ATP9B: variants seen among roughly 807,000 people sequenced by gnomAD.
The protein encoded by ATP9B is probable phospholipid-transporting ATPase IIB.
In ATP9B, 110 loss-of-function variants were observed where a neutral mutation model predicts 146.1. That is an observed-to-expected ratio of 0.75 (90% CI 0.65 to 0.88). The LOEUF is 0.88. ATP9B is among the 40% of genes least tolerant of loss of function. The pLI is 0.00. For synonymous variants in ATP9B, 604 were observed against 569.7 expected (o/e 1.06, Z -0.86); for missense variants, 1,499 against 1,496.4 (o/e 1.00, Z -0.03).
intron 13 of ATP9B, among the ~76,000 whole-genome samples, chr18:79,287,550 A>G (rs1304739588): frequency 1.3e-5 from 2 of 151,270 alleles, no homozygotes; most frequent in Non-Finnish European, 3.0e-5. Context: ...AATTTTGTTG[A>G]TCCTTTCAAA....
chr18:79,352,159 T>TC (rs1181596127), intron 25 of ATP9B, among the ~76,000 whole-genome samples: 2 of 152,204 alleles, frequency 1.3e-5, no homozygotes, highest in African/African-American at 4.8e-5. Context: ...GGCGAGGACC[T>TC]CACACACAGC....
intron 13 of ATP9B, among the ~76,000 whole-genome samples, chr18:79,302,031 T>C (rs776984899): frequency 2.0e-5 from 3 of 152,128 alleles, no homozygotes; most frequent in Non-Finnish European, 4.4e-5. Flanking sequence ...GACATGAAAA[T>C]AGTTTGGGTT....
intron 11 of ATP9B, among the ~76,000 whole-genome samples, chr18:79,240,517 A>G (rs2095877736): frequency 6.6e-6 from 1 of 152,214 alleles, no homozygotes; most frequent in African/African-American, 2.4e-5. Flanking sequence ...AGGCTGAGGC[A>G]GGCGGATCAC....
chr18:79,101,245 A>G (rs2075260756), intron 2 of ATP9B, among the ~76,000 whole-genome samples: 1 of 152,080 alleles, frequency 6.6e-6, no homozygotes, highest in Admixed American at 6.6e-5. Context: ...TGGCCTTGGA[A>G]ACCACTCATC....
chr18:79,280,158 G>A (rs956046394), intron 13 of ATP9B, among the ~76,000 whole-genome samples: 3 of 152,124 alleles, frequency 2.0e-5, no homozygotes, highest in Non-Finnish European at 4.4e-5. Flanking sequence ...TAGCAGTGAC[G>A]ATGGAGTACG....
chr18:79,282,195 C>T (rs76353032), intron 13 of ATP9B, among the ~76,000 whole-genome samples: 7,027 of 152,204 alleles, frequency 0.046, 239 homozygotes, highest in Non-Finnish European at 0.076. Context: ...AAATGGAATC[C>T]GCTCCTGGAG....
chr18:79,204,541 T>C (rs925482061), intron 9 of ATP9B, among the ~76,000 whole-genome samples: 2 of 152,230 alleles, frequency 1.3e-5, no homozygotes, highest in African/African-American at 2.4e-5. Flanking sequence ...ATTTTGCATA[T>C]GAATACAGGT....
At chr18:79,174,693 C>G (rs1448533499) in intron 7 of ATP9B, among the ~76,000 whole-genome samples, 2 of 152,070 alleles carry the variant, frequency 1.3e-5, no homozygotes, top group African/African-American at 4.8e-5. Context: ...TTAATACATT[C>G]CTTTATATCC....
intron 8 of ATP9B, among the ~76,000 whole-genome samples, chr18:79,190,047 G>A (rs4799019): frequency 0.21 from 32,066 of 152,020 alleles, 3,755 homozygotes; most frequent in East Asian, 0.5. Flanking sequence ...CCCCGCAGCA[G>A]CAGCAGGAGG....
At chr18:79,111,504 G>A (rs2076002175) in intron 3 of ATP9B, among the ~76,000 whole-genome samples, 1 of 149,632 alleles carries the variant, frequency 6.7e-6, no homozygotes. Flanking sequence ...CAGACCTTTT[G>A]TCAGGATAAT....
chr18:79,202,550 A>G (rs745920238), intron 9 of ATP9B, among the ~76,000 whole-genome samples: 1 of 152,208 alleles, frequency 6.6e-6, no homozygotes, highest in Non-Finnish European at 1.5e-5. Context: ...AACATTTTGC[A>G]TCCTCCCCCA....
chr18:79,211,970 C>T (rs1908082142), intron 10 of ATP9B, among the ~76,000 whole-genome samples: 2 of 152,208 alleles, frequency 1.3e-5, no homozygotes. Context: ...CACATTCAGT[C>T]TCCTGTTATC....
At chr18:79,369,808 G>C (rs921461917) in intron 26 of ATP9B, among the ~76,000 whole-genome samples, 2 of 151,978 alleles carry the variant, frequency 1.3e-5, no homozygotes, top group African/African-American at 4.8e-5. Context: ...CTTAAAATTT[G>C]CTTGATTTGG....
chr18:79,274,520 G>A (rs1279882818), intron 12 of ATP9B, among the ~76,000 whole-genome samples: 2 of 151,862 alleles, frequency 1.3e-5, no homozygotes, highest in African/African-American at 4.9e-5. Context: ...ATCCTATGTA[G>A]TATTACATAC....
At chr18:79,270,968 CTAAGCAGAAGGCCGGG>C (rs955839498) in intron 12 of ATP9B, among the ~76,000 whole-genome samples, 1 of 152,188 alleles carries the variant, frequency 6.6e-6, no homozygotes, top group African/African-American at 2.4e-5. Context: ...CACTGTCAGT[CTAAGCAGAAGGCCGGG>C]AGTTGGCTGC....
rs1448674090 is a variant in ATP9B, at chr18:79,096,648, A to T, written c.292A>T (p.Ser98Cys). 2 of 1,610,920 alleles carry T rather than the reference A, an allele frequency of 1.2e-6. No homozygotes were observed. The highest frequency in any genetic ancestry group is 8.5e-7 in the Non-Finnish European group (1 of 1,178,228). ...VCDGWKFLCTSCCGWLINICR... is the reference protein window; with the variant it reads ...VCDGWKFLCTCCCGWLINICR... ...TGATGGCTGGAAGTTCCTCTGTACC[A>T]GGTTTGTTATCCATTGCTACCTAAT... is the stretch of plus-strand genomic sequence containing the variant. Residue 98 changes from serine (S) to cysteine (C), a missense_variant and splice_region_variant, in exon 2 of 30, where the codon AGT (serine) becomes TGT (cysteine). Transcript: ENST00000426216.
intron 2 of ATP9B, among the ~76,000 whole-genome samples, chr18:79,105,953 AAGG>A (rs1389440230): frequency 5.3e-5 from 8 of 152,156 alleles, no homozygotes; most frequent in South Asian, 2.1e-4. Context: ...GGTGGAGAGA[AAGG>A]AGGCTAAATC....
chr18:79,193,922 C>G (rs181287150), intron 9 of ATP9B, among the ~76,000 whole-genome samples: 1 of 152,308 alleles, frequency 6.6e-6, no homozygotes, highest in Admixed American at 6.5e-5. Context: ...CAGGGATTGG[C>G]AAGCAGTTGT....
intron 15 of ATP9B, among the ~76,000 whole-genome samples, chr18:79,308,300 A>G (rs2096630292): frequency 6.6e-6 from 1 of 152,154 alleles, no homozygotes; most frequent in South Asian, 2.1e-4. Context: ...TGAACATGGA[A>G]TTACCATATG....
Sources: gnomAD v4.1 joint callset for allele counts (sites outside exome capture counted in the v4.1 genomes callset) on GRCh38, gnomAD v4.1.1 for gene constraint, MANE v1.5 for transcripts, NCBI Gene and HGNC (gene_info 2026-07-23, HGNC 2026-07-21) for gene names.